The following SGMS1 variants were observed in gnomAD, a reference collection of about 807,000 sequenced individuals.
SGMS1 encodes sphingomyelin synthase 1.
A neutral mutation model predicts 46.2 loss-of-function variants in SGMS1; 13 were observed. The observed-to-expected ratio is 0.28, with a 90% CI of 0.18 to 0.45. The LOEUF (loss-of-function observed/expected upper bound fraction) is 0.45, where lower values mean the gene tolerates loss of function less well. Ranked by LOEUF, SGMS1 falls within the 20% of genes least tolerant of loss-of-function variation. The pLI is 1.00. For missense variants in SGMS1, 324 were observed against 519.9 expected (o/e 0.62, Z 3.66); for synonymous variants, 203 against 187.8 (o/e 1.08, Z -0.66).
At chr10:50,410,600 T>C (rs1443541195) in intron 6 of SGMS1, among the ~76,000 whole-genome samples, 1 of 151,924 alleles carries the variant, frequency 6.6e-6, no homozygotes, top group Admixed American at 6.5e-5. Flanking sequence ...AACAAAAATA[T>C]GTTCTGTGTC....
chr10:50,523,748 T>G lies in SGMS1; in HGVS notation c.-588-3827A>C, dbSNP rs562964493. On this transcript the variant is annotated intron_variant, in intron 2 of 10. Transcript: ENST00000361781. ...GAAAATAAACAGTCAAAAATAAAAC[T>G]TGCAACCCCAGATACAAAGCTAATC... 2.2e-4 allele frequency among the ~76,000 whole-genome samples: 33 copies of G among 152,318 alleles called. No individual in the cohort carries two copies. The South Asian group carries it at 3.1e-3, about 14-fold the overall frequency.
At chr10:50,398,951 G>A (rs974160051) in intron 6 of SGMS1, among the ~76,000 whole-genome samples, 1 of 152,062 alleles carries the variant, frequency 6.6e-6, no homozygotes, top group Non-Finnish European at 1.5e-5. Flanking sequence ...TATATGAAAT[G>A]TCCAGGACCG....
chr10:50,469,562 A>G (rs190869233), intron 3 of SGMS1, among the ~76,000 whole-genome samples: 1 of 152,320 alleles, frequency 6.6e-6, no homozygotes, highest in East Asian at 1.9e-4. Flanking sequence ...CTAAGGAAAA[A>G]AATTACCCAA....
chr10:50,410,442 T>G (rs933860523), intron 6 of SGMS1, among the ~76,000 whole-genome samples: 9 of 152,168 alleles, frequency 5.9e-5, no homozygotes, highest in Admixed American at 2.0e-4. Flanking sequence ...GTGGTGACAT[T>G]AAAGTAAAAA....
rs554533510 is a variant in SGMS1 at position 50,536,206 on chromosome 10, G to A, written c.-588-16285C>T. ...AAATTAGTCAAAAATGGTGGTGCACGCGTATAGTCTCAGCTACTCAGGAGA... is the reference window on the plus strand; with the variant it reads ...AAATTAGTCAAAAATGGTGGTGCACACGTATAGTCTCAGCTACTCAGGAGA... On this transcript the variant is annotated intron_variant, in intron 2 of 10. Coordinates refer to ENST00000361781, the MANE Select transcript of SGMS1 (RefSeq NM_147156.4). Among the ~76,000 whole-genome samples, 5 of 152,070 alleles carry A rather than the reference G, an allele frequency of 3.3e-5. No individual in the cohort carries two copies. The East Asian group carries it at 5.8e-4, about 18-fold the overall frequency.
At chr10:50,608,541 C>T (rs968521967) in intron 1 of SGMS1, among the ~76,000 whole-genome samples, 4 of 152,186 alleles carry the variant, frequency 2.6e-5, no homozygotes, top group Non-Finnish European at 4.4e-5. Context: ...CCACCCCACC[C>T]TTACACCTCA....
chr10:50,431,176 T>C (rs930943183), intron 6 of SGMS1, among the ~76,000 whole-genome samples: 1 of 152,216 alleles, frequency 6.6e-6, no homozygotes, highest in African/African-American at 2.4e-5. Flanking sequence ...AATTATTTCA[T>C]AATCCAAAGG....
At chr10:50,318,253 C>T (rs750969078) in intron 8 of SGMS1, among the ~76,000 whole-genome samples, 33 of 152,072 alleles carry the variant, frequency 2.2e-4, no homozygotes, top group Non-Finnish European at 3.8e-4. Context: ...TTTATAGGAA[C>T]AACAATGAGC....
At chr10:50,618,930 C>G (rs1002759866) in intron 1 of SGMS1, among the ~76,000 whole-genome samples, 1 of 152,112 alleles carries the variant, frequency 6.6e-6, no homozygotes, top group Non-Finnish European at 1.5e-5. Flanking sequence ...AGAGTTGATG[C>G]CGATGCTGCC....
chr10:50,514,285 C>T (rs1338361088), intron 3 of SGMS1, among the ~76,000 whole-genome samples: 6 of 152,164 alleles, frequency 3.9e-5, no homozygotes, highest in Admixed American at 6.5e-5. Flanking sequence ...AACCTTGACA[C>T]GATAAGTCTT....
intron 6 of SGMS1, among the ~76,000 whole-genome samples, chr10:50,398,046 T>A (rs1013636280): frequency 5.3e-5 from 8 of 152,116 alleles, no homozygotes; most frequent in African/African-American, 1.9e-4. Flanking sequence ...GACTTTGTAC[T>A]CTGGTGTGCT....
At chr10:50,556,691 T>G (rs1295562888) in intron 2 of SGMS1, among the ~76,000 whole-genome samples, 1 of 152,168 alleles carries the variant, frequency 6.6e-6, no homozygotes, top group Non-Finnish European at 1.5e-5. Flanking sequence ...AGAACAGTGT[T>G]TCTGTGTAGT....
intron 2 of SGMS1, among the ~76,000 whole-genome samples, chr10:50,571,525 A>G (rs1481746508): frequency 6.6e-6 from 1 of 152,216 alleles, no homozygotes; most frequent in African/African-American, 2.4e-5. Flanking sequence ...GTGGCACCAC[A>G]TAGTGTCCAG....
rs372991292 is a variant in SGMS1, at chr10:50,500,063, G to C, written c.-498+19768C>G. ...TGTGCCTGTAATTCCAGCTAGTCAG[G>C]AGGCTGAGGCAAGAGGATCGCTTGA... On this transcript the variant is annotated intron_variant, in intron 3 of 10. Transcript: ENST00000361781. 3.8e-3 allele frequency among the ~76,000 whole-genome samples: 581 copies of C among 152,316 alleles called. 3 individuals carry two copies. The highest frequency in any genetic ancestry group is 0.013 in the African/African-American group (553 of 41,566).
chr10:50,351,055 C>G lies in SGMS1; in HGVS notation c.-231-6710G>C, dbSNP rs570422108. Among the ~76,000 whole-genome samples, 273 of 152,240 alleles carry G rather than the reference C, an allele frequency of 1.8e-3. 1 individual carries two copies. Among genetic ancestry groups the G allele is most frequent in the African/African-American group, 6.0e-3 (251 of 41,522 alleles). On this transcript the variant is annotated intron_variant, in intron 6 of 10. Coordinates refer to ENST00000361781, the MANE Select transcript of SGMS1 (RefSeq NM_147156.4). ...GGAGGGAGGCTGTACCCTGCAAAGC[C>G]AAAGGGGTGGGGCTGCTCAAGACCA...
intron 6 of SGMS1, among the ~76,000 whole-genome samples, chr10:50,426,734 G>T (rs1178774551): frequency 6.6e-6 from 1 of 152,184 alleles, no homozygotes; most frequent in Non-Finnish European, 1.5e-5. Flanking sequence ...TCATACATTG[G>T]CTTGACATAG....
At chr10:50,425,984 T>C (rs1423979325) in intron 6 of SGMS1, among the ~76,000 whole-genome samples, 1 of 152,194 alleles carries the variant, frequency 6.6e-6, no homozygotes. Flanking sequence ...TCATCTGTAA[T>C]AGAGAAAACA....
At chr10:50,456,487 G>A (rs1386679456) in intron 5 of SGMS1, among the ~76,000 whole-genome samples, 1 of 152,110 alleles carries the variant, frequency 6.6e-6, no homozygotes, top group Non-Finnish European at 1.5e-5. Flanking sequence ...TAGCTTCACA[G>A]GAGCCTTTTC....
intron 3 of SGMS1, among the ~76,000 whole-genome samples, chr10:50,485,001 T>A (rs1247539958): frequency 6.6e-6 from 1 of 152,122 alleles, no homozygotes; most frequent in African/African-American, 2.4e-5. Flanking sequence ...AAGGATGCCC[T>A]CTCTCACCAC....
Sources: gnomAD v4.1 joint callset for allele counts (sites outside exome capture counted in the v4.1 genomes callset) on GRCh38, gnomAD v4.1.1 for gene constraint, MANE v1.5 for transcripts, NCBI Gene and HGNC (gene_info 2026-07-23, HGNC 2026-07-21) for gene names.